DCLK3: variants seen among roughly 807,000 people sequenced by gnomAD.
The protein encoded by DCLK3 is serine/threonine-protein kinase DCLK3.
Under a neutral mutation model 46.4 loss-of-function variants are expected in DCLK3, and 30 were observed. The observed-to-expected ratio is 0.65, with a 90% confidence interval of 0.48 to 0.88. DCLK3 has a LOEUF of 0.88. Among genes scored for constraint, DCLK3 ranks in the 40% least tolerant of loss-of-function variants. The pLI, the probability that DCLK3 is intolerant of heterozygous loss-of-function variation, is 0.00. For missense variants in DCLK3, 846 were observed against 907.1 expected (o/e 0.93, Z 0.87); for synonymous variants, 401 against 339.2 (o/e 1.18, Z -2.00).
At chr3:36,758,112 C>A (rs1028250009) in intron 1 of DCLK3, among the ~76,000 whole-genome samples, 14 of 152,216 alleles carry the variant, frequency 9.2e-5, no homozygotes, top group African/African-American at 3.4e-4. Context: ...TCATTAAACA[C>A]TCCAGTAGTT....
intron 3 of DCLK3, 150 bp downstream of exon 3, chr3:36,721,377 C>A: frequency 9.1e-7 from 1 of 1,101,536 alleles, no homozygotes; most frequent in East Asian, 2.4e-5. Context: ...TTTGGTCAAG[C>A]CTACTTCAAA....
intron 1 of DCLK3, among the ~76,000 whole-genome samples, chr3:36,750,092 C>T (rs1163815390): frequency 6.6e-6 from 1 of 151,826 alleles, no homozygotes; most frequent in Non-Finnish European, 1.5e-5. Flanking sequence ...TTTTCATTTA[C>T]TTATTTGAGA....
At chr3:36,741,453 CA>C (rs1176368482) in intron 1 of DCLK3, among the ~76,000 whole-genome samples, 1 of 152,094 alleles carries the variant, frequency 6.6e-6, no homozygotes, top group Admixed American at 6.5e-5. Flanking sequence ...TAGGCAGGCC[CA>C]AAGGATCAAC....
intron 1 of DCLK3, among the ~76,000 whole-genome samples, chr3:36,746,742 A>T (rs1341207741): frequency 1.3e-5 from 2 of 152,238 alleles, no homozygotes; most frequent in Non-Finnish European, 2.9e-5. Context: ...TCCTTAGAGG[A>T]TCCTGCTGAA....
In DCLK3 at chr3:36,721,548, G is replaced by A. The variant is rs866552891; in HGVS notation, c.2071C>T (p.Pro691Ser). 6.2e-7 allele frequency: 1 copy of A among 1,614,108 alleles called. No homozygotes were observed. The highest frequency in any genetic ancestry group is 8.5e-7 in the Non-Finnish European group (1 of 1,180,010). The part of the protein sequence containing the change: ...TVCGTPTYVA[P>S]EILSEKGYGL... ...TTACCTTTCTCAGAAAGAATTTCGG[G>A]AGCTACGTAAGTTGGGGTCCCACAC... Residue 691 changes from proline to serine, a missense_variant, in exon 3 of 5, where the codon CCC (proline) becomes TCC (serine). Around this residue, in one of 3 missense-constraint regions of DCLK3, gnomAD observed 247 missense variants for 322.8 expected, o/e 0.77. Transcript: ENST00000636136.
intron 1 of DCLK3, among the ~76,000 whole-genome samples, chr3:36,757,024 A>G (rs1280828075): frequency 2.6e-5 from 4 of 151,922 alleles, no homozygotes; most frequent in African/African-American, 9.7e-5. Flanking sequence ...AGTAAAAGCC[A>G]CTTCTGGCAA....
At chr3:36,735,125 G>A (rs1043772977) in intron 2 of DCLK3, among the ~76,000 whole-genome samples, 1 of 152,160 alleles carries the variant, frequency 6.6e-6, no homozygotes, top group Non-Finnish European at 1.5e-5. Flanking sequence ...CAGCTCGTGG[G>A]ACCTCCTCAG....
At chr3:36,758,687 G>C (rs999315605) in intron 1 of DCLK3, among the ~76,000 whole-genome samples, 18 of 152,200 alleles carry the variant, frequency 1.2e-4, no homozygotes, top group African/African-American at 3.9e-4. Context: ...AAATTACCCA[G>C]GCTCAGGTGT....
intron 1 of DCLK3, among the ~76,000 whole-genome samples, chr3:36,742,214 T>C (rs955635830): frequency 6.6e-6 from 1 of 152,110 alleles, no homozygotes; most frequent in Non-Finnish European, 1.5e-5. Context: ...TTCCCAAACA[T>C]TGGAACTGTA....
chr3:36,738,047 T>C lies in DCLK3; in HGVS notation c.1120A>G (p.Ser374Gly), dbSNP rs1249505657. Residue 374 changes from serine (S) to glycine (G), a missense_variant, in exon 2 of 5, where the codon AGC becomes GGC. By Grantham distance (56) the Ser-to-Gly change is moderately conservative. This residue lies in a region of DCLK3 where 553 missense variants were observed against 543.0 expected (regional missense o/e 1.02). Coordinates refer to ENST00000636136, the MANE Select transcript of DCLK3 (RefSeq NM_001394672.2). ...EEGWKGDSHR[S>G]SPRNPTQELR... Reference sequence around the variant, plus strand: ...TCTTGAGTGGGATTCCTGGGGCTGCTCCTGTGGCTGTCACCCTTCCACCCT... The same window carrying C: ...TCTTGAGTGGGATTCCTGGGGCTGCCCCTGTGGCTGTCACCCTTCCACCCT... 1.9e-6 allele frequency: 3 copies of C among 1,613,994 alleles called. No homozygotes were observed. Among genetic ancestry groups the C allele is most frequent in the Middle Eastern group, 1.6e-4 (1 of 6,062 alleles).
chr3:36,735,788 T>C (rs1290342567), intron 2 of DCLK3, among the ~76,000 whole-genome samples: 1 of 152,262 alleles, frequency 6.6e-6, no homozygotes, highest in Non-Finnish European at 1.5e-5. Flanking sequence ...CTGCCACTGA[T>C]GGAGTTCTTG....
Position 36,715,628 on chromosome 3 carries a change from G to A in DCLK3, c.2261-107C>T, listed in dbSNP as rs1700969181. The A allele has an allele frequency of 4.8e-6, 6 of 1,257,104 alleles. No individual in the cohort carries two copies. In the South Asian group the frequency reaches 8.3e-5, roughly 17 times the overall value. The allele number at this position is 1,257,104 out of a possible 1,614,324, so 77.9% of individuals were successfully genotyped here. On this transcript the variant is annotated intron_variant, in intron 4 of 4. Coordinates refer to ENST00000636136, the MANE Select transcript of DCLK3 (RefSeq NM_001394672.2). ...AAACATTCACGTCAGCACCACGGCT[G>A]GCTGAAAGCCTCCTTCATATTCTAG...
intron 1 of DCLK3, among the ~76,000 whole-genome samples, chr3:36,763,979 C>A (rs930647511): frequency 6.6e-6 from 1 of 152,204 alleles, no homozygotes; most frequent in African/African-American, 2.4e-5. Context: ...TACACCCGCA[C>A]GCGCGCGCGT....
At chr3:36,745,919 T>C (rs1701390052) in intron 1 of DCLK3, among the ~76,000 whole-genome samples, 1 of 152,220 alleles carries the variant, frequency 6.6e-6, no homozygotes, top group Non-Finnish European at 1.5e-5. Flanking sequence ...AATGCTACTG[T>C]TTCGTAACTC....
intron 3 of DCLK3, among the ~76,000 whole-genome samples, chr3:36,720,730 T>C (rs1969145): frequency 0.8 from 120,887 of 152,018 alleles, 48,329 homozygotes; most frequent in Middle Eastern, 0.88. Flanking sequence ...TGGTTTCAAA[T>C]GCCTGACCTC....
At chr3:36,741,519 G>A (rs1305975569) in intron 1 of DCLK3, among the ~76,000 whole-genome samples, 3 of 152,184 alleles carry the variant, frequency 2.0e-5, no homozygotes, top group Admixed American at 6.5e-5. Flanking sequence ...GAGGCATAAA[G>A]AGGATGTAAT....
chr3:36,720,041 G>A (rs1411073108), intron 3 of DCLK3, among the ~76,000 whole-genome samples: 2 of 152,226 alleles, frequency 1.3e-5, no homozygotes, highest in African/African-American at 4.8e-5. Flanking sequence ...ATGTTGAAAT[G>A]TGATTCCCAA....
At position 36,738,500 on chromosome 3, in the gene DCLK3, A is replaced by G. The variant is rs201386784; in HGVS notation, c.667T>C (p.Cys223Arg). ...FSKALKGDHR[C>R]GETETPKSCS... ...CTCTTGGGGGTCTCGGTCTCCCCAC[A>G]GCGGTGGTCTCCTTTCAGAGCCTTG... is the stretch of plus-strand genomic sequence containing the variant. The change falls in exon 2 of 5, where the codon TGT becomes CGT. Residue 223 changes from cysteine to arginine, a missense_variant. Physicochemically the swap from Cys to Arg is radical, Grantham distance 180. Around this residue, in one of 3 missense-constraint regions of DCLK3, gnomAD observed 553 missense variants for 543.0 expected, o/e 1.02. Coordinates refer to ENST00000636136, the MANE Select transcript of DCLK3 (RefSeq NM_001394672.2). 1.9e-5 allele frequency: 29 copies of G among 1,505,538 alleles called. No homozygotes were observed. Among genetic ancestry groups the G allele is most frequent in the Non-Finnish European group, 2.5e-5 (28 of 1,127,630 alleles). 93.3% of individuals were successfully genotyped at this position (1,505,538 alleles called of 1,614,324 possible).
At chr3:36,739,976 C>T (rs1013005535) in intron 1 of DCLK3, 4 of 152,142 alleles carry the variant, frequency 2.6e-5, no homozygotes, top group African/African-American at 9.7e-5. Flanking sequence ...TTGCCAAGAA[C>T]ATTTTTTTTC....
Sources: allele counts gnomAD v4.1 joint callset (sites outside exome capture counted in the v4.1 genomes callset), GRCh38; gene constraint gnomAD v4.1.1; regional missense constraint gnomAD v4.1.1; transcripts MANE v1.5; gene names NCBI Gene and HGNC (gene_info 2026-07-23, HGNC 2026-07-21).